Variants in USP25 observed in about 807,000 individuals in gnomAD.
USP25 encodes ubiquitin specific peptidase 25.
USP25 carries 85 observed loss-of-function variants against 158.5 expected under a neutral mutation model. The observed-to-expected ratio is 0.54, with a 90% CI of 0.45 to 0.64. The LOEUF (loss-of-function observed/expected upper bound fraction) is 0.64, where lower values mean the gene tolerates loss of function less well. Ranked by LOEUF, USP25 falls within the 30% of genes least tolerant of loss-of-function variation. The probability of loss-of-function intolerance (pLI) is 0.00; values close to 1 mark genes in which losing one functional copy is unlikely to be tolerated. For synonymous variants in USP25, 464 were observed against 460.4 expected (o/e 1.01, Z -0.10); for missense variants, 1,242 against 1,327.3 (o/e 0.94, Z 1.00).
intron 1 of USP25, among the ~76,000 whole-genome samples, chr21:15,744,684 G>A (rs2032380127): frequency 6.6e-6 from 1 of 152,026 alleles, no homozygotes; most frequent in East Asian, 1.9e-4. Flanking sequence ...CACCTCCCAG[G>A]TTCAAGCGAT....
chr21:15,815,390 T>A (rs1352863913), intron 9 of USP25, among the ~76,000 whole-genome samples: 1 of 152,168 alleles, frequency 6.6e-6, no homozygotes, highest in Non-Finnish European at 1.5e-5. Context: ...AAGGCCACTG[T>A]CCTCCAGACC....
chr21:15,732,875 GTTC>G (rs2031072983), intron 1 of USP25, among the ~76,000 whole-genome samples: 1 of 152,036 alleles, frequency 6.6e-6, no homozygotes, highest in South Asian at 2.1e-4. Context: ...CTTTTGATGT[GTTC>G]TTTGCTTGAT....
At chr21:15,738,382 T>G (rs2031721733) in intron 1 of USP25, among the ~76,000 whole-genome samples, 2 of 152,220 alleles carry the variant, frequency 1.3e-5, no homozygotes, top group South Asian at 4.1e-4. Context: ...CCATTTGGGA[T>G]TATTAAGATC....
chr21:15,764,559 G>A (rs1044301883), intron 2 of USP25, among the ~76,000 whole-genome samples: 6 of 151,924 alleles, frequency 3.9e-5, no homozygotes, highest in African/African-American at 1.5e-4. Context: ...TTTAATTTGA[G>A]AACATATTTT....
intron 7 of USP25, chr21:15,805,689 A>C (rs975915811): frequency 3.3e-5 from 5 of 152,318 alleles, no homozygotes; most frequent in Non-Finnish European, 5.9e-5. Flanking sequence ...GTATTGTGGT[A>C]GATTTTTATC....
chr21:15,830,342 G>T (rs962008529), intron 14 of USP25, among the ~76,000 whole-genome samples, 189 bp from the exon 15 acceptor site: 5 of 152,056 alleles, frequency 3.3e-5, no homozygotes, highest in African/African-American at 9.7e-5. Flanking sequence ...GTATGCATTT[G>T]TACTGTGTCT....
At chr21:15,763,097 G>A (rs2033831636) in intron 2 of USP25, 129 bp downstream of exon 2, 2 of 801,866 alleles carry the variant, frequency 2.5e-6, no homozygotes, top group Non-Finnish European at 3.6e-6. Context: ...AATGGACTTT[G>A]TAAAGTAAAA....
intron 9 of USP25, among the ~76,000 whole-genome samples, chr21:15,812,629 A>G (rs1469562316): frequency 2.0e-5 from 3 of 151,280 alleles, no homozygotes; most frequent in Middle Eastern, 3.4e-3. Context: ...CCAGCCTGGG[A>G]GACAGAGCGA....
chr21:15,848,662 A>G (rs995832555), intron 19 of USP25, among the ~76,000 whole-genome samples: 2 of 152,096 alleles, frequency 1.3e-5, no homozygotes, highest in African/African-American at 4.8e-5. Flanking sequence ...ACTTACTCCA[A>G]TGTTACTATC....
chr21:15,762,797 G>T, intron 1 of USP25, 94 bp from the exon 2 acceptor site: 4 of 1,151,100 alleles, frequency 3.5e-6, no homozygotes, highest in Admixed American at 4.9e-5. Context: ...TCTGTTTTTT[G>T]TTTGTTTTGG....
intron 10 of USP25, among the ~76,000 whole-genome samples, chr21:15,823,716 C>A (rs887719352): frequency 1.3e-5 from 2 of 152,072 alleles, no homozygotes; most frequent in Non-Finnish European, 2.9e-5. Flanking sequence ...ACAGAGAAGA[C>A]TTGAGCTACT....
chr21:15,828,662 G>A (rs537930769), intron 14 of USP25, among the ~76,000 whole-genome samples: 4 of 152,236 alleles, frequency 2.6e-5, no homozygotes, highest in East Asian at 1.9e-4. Context: ...TTTTTGAGAC[G>A]GAGTCTCGCT....
chr21:15,732,995 A>G (rs1173921501), intron 1 of USP25, among the ~76,000 whole-genome samples: 2 of 152,104 alleles, frequency 1.3e-5, no homozygotes, highest in Non-Finnish European at 2.9e-5. Context: ...GCAGCAGATG[A>G]GTTAAATTCT....
chr21:15,772,222 A>G (rs2034396976), intron 3 of USP25, among the ~76,000 whole-genome samples: 1 of 152,186 alleles, frequency 6.6e-6, no homozygotes, highest in Non-Finnish European at 1.5e-5. Flanking sequence ...TAGCAGAGAA[A>G]TGTTTGGTAG....
intron 7 of USP25, among the ~76,000 whole-genome samples, chr21:15,806,482 T>C (rs1373787092): frequency 6.6e-6 from 1 of 152,026 alleles, no homozygotes; most frequent in East Asian, 1.9e-4. Flanking sequence ...GGGGTATCTT[T>C]TCACATTTAA....
At chr21:15,833,652 C>T (rs2037920876) in intron 17 of USP25, 104 bp downstream of exon 17, 1 of 1,027,594 alleles carries the variant, frequency 9.7e-7, no homozygotes, top group Non-Finnish European at 1.4e-6. Flanking sequence ...GTGAGGAAAT[C>T]AGTAGAAATC....
At chr21:15,795,671 A>G (rs1436717831) in intron 5 of USP25, among the ~76,000 whole-genome samples, 1 of 151,568 alleles carries the variant, frequency 6.6e-6, no homozygotes, top group Non-Finnish European at 1.5e-5. Context: ...GTGACATACA[A>G]TTTGACTGAT....
At chr21:15,751,284 TTATCG>T (rs1465123126) in intron 1 of USP25, among the ~76,000 whole-genome samples, 5 of 152,152 alleles carry the variant, frequency 3.3e-5, no homozygotes, top group Non-Finnish European at 7.4e-5. Flanking sequence ...AGTATGTGCT[TTATCG>T]TATCTAGATG....
Position 15,766,066 on chromosome 21 carries a change from G to A in USP25, c.193G>A (p.Glu65Lys). 6.2e-7 allele frequency: 1 copy of A among 1,611,098 alleles called. No homozygotes were observed. The highest frequency in any genetic ancestry group is 8.5e-7 in the Non-Finnish European group (1 of 1,178,392). The change falls in exon 3 of 26, where the codon GAG (glutamate) becomes AAG (lysine). Residue 65 changes from glutamate to lysine, a missense_variant. By Grantham distance (56) the Glu-to-Lys change is moderately conservative. Coordinates refer to ENST00000400183, the MANE Select transcript of USP25 (RefSeq NM_001283041.3). This position sits in a 1 kb window ranked among gnomAD's most constrained non-coding sequence, Gnocchi z 4.0. ...GAAGAATGCTAAGACCCCTCAGCAG[G>A]AGGAGACAACTTACTACCAAACAGC... ...TAKNAKTPQQEETTYYQTALP... is the reference protein window; with the variant it reads ...TAKNAKTPQQKETTYYQTALP...
Sources: allele counts gnomAD v4.1 joint callset (sites outside exome capture counted in the v4.1 genomes callset), GRCh38; gene constraint gnomAD v4.1.1; non-coding constraint Gnocchi (gnomAD v3.1); transcripts MANE v1.5; gene names NCBI Gene and HGNC (gene_info 2026-07-23, HGNC 2026-07-21).